MAP3K1: variants seen among roughly 807,000 people sequenced by gnomAD.
The protein encoded by MAP3K1 is MAP/ERK kinase kinase 1.
A neutral mutation model predicts 144.2 loss-of-function variants in MAP3K1; 36 were observed. That is an observed-to-expected ratio of 0.25 (90% confidence interval 0.19 to 0.33). The LOEUF (loss-of-function observed/expected upper bound fraction) is 0.33. Among genes scored for constraint, MAP3K1 ranks in the 10% least tolerant of loss-of-function variants. The pLI, the probability that MAP3K1 is intolerant of heterozygous loss-of-function variation, is 1.00. For missense variants in MAP3K1, 1,650 were observed against 1,881.9 expected (o/e 0.88, Z 2.28); for synonymous variants, 718 against 688.7 (o/e 1.04, Z -0.67).
chr5:56,840,417 G>A (rs993554538), intron 1 of MAP3K1, among the ~76,000 whole-genome samples: 2 of 152,202 alleles, frequency 1.3e-5, no homozygotes, highest in Middle Eastern at 3.4e-3. Flanking sequence ...TAAAGTGCTG[G>A]GATTACAGGC....
At chr5:56,866,425 G>A (rs772597658) in intron 6 of MAP3K1, among the ~76,000 whole-genome samples, 11 of 151,972 alleles carry the variant, frequency 7.2e-5, no homozygotes, top group Non-Finnish European at 1.3e-4. Context: ...GTGTGTGTAT[G>A]TATGTATGTC....
At chr5:56,887,166 G>A (rs768835991) in intron 17 of MAP3K1, among the ~76,000 whole-genome samples, 1 of 152,212 alleles carries the variant, frequency 6.6e-6, no homozygotes, top group Non-Finnish European at 1.5e-5. Context: ...TTTAAATTAA[G>A]CTCTAATTAT....
At position 56,859,912 on chromosome 5, in the gene MAP3K1, G is replaced by C. The variant is rs761880834; in HGVS notation, c.831G>C (p.Val277=). The C allele has an allele frequency of 2.4e-5, 39 of 1,608,770 alleles. No individual in the cohort carries two copies. The South Asian group carries it at 4.1e-4, about 17-fold the overall frequency. The part of the protein sequence containing the change: ...PGVRRKRVSP[V]PFQSGRITPP... ...TAAGGAGAAAAAGAGTTTCCCCAGT[G>C]CCTGTAAGTTAATGTTACAACAAAT... The change falls in exon 3 of 20, where the codon GTG becomes GTC. Residue 277 remains valine (V), a synonymous_variant. Transcript: ENST00000399503.
At chr5:56,846,640 G>T (rs1054749062) in intron 1 of MAP3K1, among the ~76,000 whole-genome samples, 8 of 152,110 alleles carry the variant, frequency 5.3e-5, no homozygotes, top group Admixed American at 1.3e-4. Context: ...ACTTCTGCAT[G>T]GCTATATCTC....
intron 1 of MAP3K1, among the ~76,000 whole-genome samples, chr5:56,842,558 A>G (rs143517912): frequency 6.6e-5 from 10 of 152,320 alleles, no homozygotes; most frequent in Non-Finnish European, 1.2e-4. Context: ...AATTCAGTTT[A>G]TTGTGGGCTA....
At chr5:56,831,958 T>C (rs1162530633) in intron 1 of MAP3K1, among the ~76,000 whole-genome samples, 1 of 152,228 alleles carries the variant, frequency 6.6e-6, no homozygotes. Context: ...CAGGTGTCTT[T>C]AGTGGAAAGA....
rs767547157 is a variant in MAP3K1 at position 56,879,049 on chromosome 5, C to T, written c.2035C>T (p.Leu679Phe). The part of the protein sequence containing the change: ...SLAERIKLQR[L>F]LQPVVDTILV... The stretch of plus-strand genomic sequence containing the variant: ...AGCGGAAAGAATCAAACTTCAGAGA[C>T]TTCTCCAGCCAGTTGTAGACACCAT... Residue 679 changes from leucine (L) to phenylalanine (F), a missense_variant, in exon 11 of 20, where the codon CTT (leucine) becomes TTT (phenylalanine). Leu to Phe is a conservative substitution (Grantham distance 22). This residue lies in a region of MAP3K1 where 841 missense variants were observed against 886.5 expected (regional missense o/e 0.95). Transcript: ENST00000399503. The T allele has an allele frequency of 7.4e-6, 12 of 1,613,918 alleles. No homozygotes were observed. Among genetic ancestry groups the T allele is most frequent in the Non-Finnish European group, 5.9e-6 (7 of 1,179,838 alleles).
At chr5:56,851,323 A>C (rs1031538308) in intron 1 of MAP3K1, among the ~76,000 whole-genome samples, 1 of 152,166 alleles carries the variant, frequency 6.6e-6, no homozygotes, top group Non-Finnish European at 1.5e-5. Context: ...TAGTCAGACT[A>C]TTTGAGGTTG....
At chr5:56,880,641 T>C in intron 11 of MAP3K1, 70 bp from the exon 12 acceptor site, 1 of 1,006,094 alleles carries the variant, frequency 9.9e-7, no homozygotes, top group Admixed American at 1.7e-5. Context: ...AGGCATTACA[T>C]TACTCCTCTA....
intron 3 of MAP3K1, among the ~76,000 whole-genome samples, chr5:56,860,378 A>G (rs1429652924): frequency 2.0e-5 from 3 of 152,238 alleles, no homozygotes; most frequent in Non-Finnish European, 4.4e-5. Flanking sequence ...GCACTTCTAC[A>G]TACCAAAATC....
At position 56,878,965 on chromosome 5, in the gene MAP3K1, G is replaced by C. The variant is rs1748120484; in HGVS notation, c.1966-15G>C. ...TTAAGTGTACATAAACTGACCTTCA[G>C]ATTTTTTTCCTTAGAAAACATTGAG... On this transcript the variant is annotated splice_polypyrimidine_tract_variant and intron_variant, in intron 10 of 19. Coordinates refer to ENST00000399503, the MANE Select transcript of MAP3K1 (RefSeq NM_005921.2). The C allele has an allele frequency of 1.2e-6, 2 of 1,613,356 alleles. No individual in the cohort carries two copies. Among genetic ancestry groups the C allele is most frequent in the African/African-American group, 2.7e-5 (2 of 74,850 alleles).
intron 1 of MAP3K1, among the ~76,000 whole-genome samples, chr5:56,820,060 A>C (rs1437234711): frequency 6.6e-6 from 1 of 152,202 alleles, no homozygotes; most frequent in Non-Finnish European, 1.5e-5. Context: ...CTGTGGCTTA[A>C]AACATACTCA....
chr5:56,889,043 G>A (rs776269799), intron 19 of MAP3K1, among the ~76,000 whole-genome samples: 6 of 152,138 alleles, frequency 3.9e-5, no homozygotes, highest in Admixed American at 6.5e-5. Flanking sequence ...GAAATATGTA[G>A]TGTGTTTATA....
intron 1 of MAP3K1, among the ~76,000 whole-genome samples, chr5:56,824,001 C>A (rs1257661526): frequency 6.6e-6 from 1 of 152,154 alleles, no homozygotes; most frequent in Non-Finnish European, 1.5e-5. Flanking sequence ...AGAATGTCAT[C>A]TAAACTTAAG....
intron 1 of MAP3K1, among the ~76,000 whole-genome samples, chr5:56,850,097 C>T (rs1309471010): frequency 1.3e-5 from 2 of 152,182 alleles, no homozygotes; most frequent in African/African-American, 4.8e-5. Context: ...TTAAGTCATT[C>T]CTGCTCTTGT....
Position 56,816,050 on chromosome 5 carries a change from C to T in MAP3K1, c.477C>T (p.Pro159=). ...PAAEPSPAAA[P]AGREMENKET... ...CCGAGCCGTCTCCTGCAGCGGCCCC[C>T]GCCGGGTGAGCAGCACGGCCGGGGT... is the stretch of plus-strand genomic sequence containing the variant. Residue 159 remains proline (P), a synonymous_variant, in exon 1 of 20, where the codon CCC becomes CCT. Transcript: ENST00000399503. The T allele has an allele frequency of 8.2e-7, 1 of 1,216,828 alleles. No individual in the cohort carries two copies. The highest frequency in any genetic ancestry group is 1.0e-6 in the Non-Finnish European group (1 of 979,532). 75.4% of individuals were successfully genotyped at this position (1,216,828 alleles called of 1,614,324 possible). A position where few individuals can be genotyped will look rare whatever the true frequency, so the allele number is the denominator to read the frequency against.
chr5:56,826,330 T>G (rs1281161295), intron 1 of MAP3K1, among the ~76,000 whole-genome samples: 1 of 152,254 alleles, frequency 6.6e-6, no homozygotes, highest in African/African-American at 2.4e-5. Flanking sequence ...GAGTTAGATT[T>G]GCTACTTTTA....
intron 10 of MAP3K1, among the ~76,000 whole-genome samples, chr5:56,877,768 C>T (rs540722064): frequency 1.3e-5 from 2 of 152,232 alleles, no homozygotes; most frequent in South Asian, 4.1e-4. Context: ...CTGCTGTTGT[C>T]TTTTTTCTGT....
At chr5:56,820,629 G>A in intron 1 of MAP3K1, 3 of 985,160 alleles carry the variant, frequency 3.0e-6, no homozygotes, top group Non-Finnish European at 3.6e-6. Context: ...ATAAGTGAAA[G>A]GAGATAAGCT....
Sources: gnomAD v4.1 joint callset for allele counts (sites outside exome capture counted in the v4.1 genomes callset) on GRCh38, gnomAD v4.1.1 for gene constraint, gnomAD v4.1.1 regional missense constraint, MANE v1.5 for transcripts, NCBI Gene and HGNC (gene_info 2026-07-23, HGNC 2026-07-21) for gene names.